SETMAR: variants seen among roughly 807,000 people sequenced by gnomAD.
The protein encoded by SETMAR is SET and mariner transposase domain methyltransferase, also known as histone-lysine N-methyltransferase SETMAR.
Under a neutral mutation model 58.4 loss-of-function variants are expected in SETMAR, and 44 were observed. The ratio of observed to expected loss-of-function variants is 0.75; its 90% CI spans 0.59 to 0.97. The LOEUF (loss-of-function observed/expected upper bound fraction) is 0.97. Among genes scored for constraint, SETMAR ranks in the 50% least tolerant of loss-of-function variants. The probability of loss-of-function intolerance (pLI) is 0.00; values close to 1 mark genes in which losing one functional copy is unlikely to be tolerated. For missense variants in SETMAR, 903 were observed against 840.2 expected (o/e 1.07, Z -0.92); for synonymous variants, 332 against 307.4 (o/e 1.08, Z -0.84).
rs978433562 is a variant in SETMAR, at chr3:4,311,982, G to T, written c.157-916G>T. On this transcript the variant is annotated intron_variant, in intron 1 of 2. Transcript: ENST00000358065. Reference sequence around the variant, plus strand: ...GGCTTCACATAGAGTTTAGATTGAGGATTGTCTTCTTTTTATATAACATTT... The same window carrying T: ...GGCTTCACATAGAGTTTAGATTGAGTATTGTCTTCTTTTTATATAACATTT... Among the ~76,000 whole-genome samples, 3 of 152,120 alleles carry T rather than the reference G, an allele frequency of 2.0e-5. No individual in the cohort carries two copies. The East Asian group carries it at 5.8e-4, about 29-fold the overall frequency.
intron 2 of SETMAR, among the ~76,000 whole-genome samples, chr3:4,314,606 T>C (rs1476497781): frequency 6.6e-6 from 1 of 152,142 alleles, no homozygotes; most frequent in Non-Finnish European, 1.5e-5. Flanking sequence ...ACTCCAAATC[T>C]TGTGAAGTTA....
intron 1 of SETMAR, among the ~76,000 whole-genome samples, chr3:4,308,251 GAAAGTTTA>G (rs1698268460): frequency 1.3e-5 from 2 of 152,198 alleles, no homozygotes; most frequent in African/African-American, 4.8e-5. Flanking sequence ...TTTGAACCTG[GAAAGTTTA>G]ACTCCAGAAC....
intron 1 of SETMAR, among the ~76,000 whole-genome samples, chr3:4,312,525 A>G (rs578149878): frequency 3.3e-5 from 5 of 152,178 alleles, no homozygotes; most frequent in South Asian, 4.2e-4. Flanking sequence ...ATCCTTATAC[A>G]TACCTAAAAT....
intron 2 of SETMAR, among the ~76,000 whole-genome samples, chr3:4,315,274 T>C (rs907891263): frequency 3.3e-5 from 5 of 152,118 alleles, no homozygotes; most frequent in Admixed American, 2.6e-4. Context: ...GCTCACAAGC[T>C]CACCTAATAA....
At chr3:4,306,243 C>T (rs567394920) in intron 1 of SETMAR, among the ~76,000 whole-genome samples, 4 of 151,922 alleles carry the variant, frequency 2.6e-5, no homozygotes, top group Non-Finnish European at 5.9e-5. Flanking sequence ...ACTATGTGCC[C>T]GACGTATTTT....
chr3:4,313,946 C>A, intron 2 of SETMAR, 185 bp downstream of exon 2: 3 of 1,040,492 alleles, frequency 2.9e-6, no homozygotes, highest in Non-Finnish European at 4.1e-6. Flanking sequence ...ACATGACTAC[C>A]CAGAATACTC....
At chr3:4,315,098 G>C (rs1355152038) in intron 2 of SETMAR, among the ~76,000 whole-genome samples, 3 of 152,100 alleles carry the variant, frequency 2.0e-5, no homozygotes, top group Admixed American at 2.0e-4. Flanking sequence ...AATGGTACTA[G>C]AGTACACATA....
intron 1 of SETMAR, chr3:4,303,824 A>G: frequency 7.3e-7 from 1 of 1,366,692 alleles, no homozygotes; most frequent in Non-Finnish European, 9.7e-7. Context: ...AGGAGGCATC[A>G]CGGGGGGAGT....
intron 1 of SETMAR, among the ~76,000 whole-genome samples, chr3:4,308,801 C>A (rs1698292250): frequency 6.6e-6 from 1 of 152,206 alleles, no homozygotes. Flanking sequence ...CATCTTTGTT[C>A]ATTGACCATT....
intron 1 of SETMAR, among the ~76,000 whole-genome samples, chr3:4,309,924 A>G (rs1040657080): frequency 6.6e-6 from 1 of 152,242 alleles, no homozygotes; most frequent in African/African-American, 2.4e-5. Flanking sequence ...GTCATTATGC[A>G]AAAGTCATAG....
rs1184109687 is a variant in SETMAR at position 4,316,199 on chromosome 3, A to T, written c.1021-13A>T. On this transcript the variant is annotated splice_polypyrimidine_tract_variant and intron_variant, in intron 2 of 2. Transcript: ENST00000358065. ...GCTAATGACATCTTACTTGCTGTTT[A>T]TGTTTATTTTAGACTATGAAAATGA... 1.5e-6 allele frequency: 1 copy of T among 676,922 alleles called. No individual in the cohort carries two copies. Among genetic ancestry groups the T allele is most frequent in the Admixed American group, 2.1e-5 (1 of 47,944 alleles). 41.9% of individuals were successfully genotyped at this position (676,922 alleles called of 1,614,324 possible). A position where few individuals can be genotyped will look rare whatever the true frequency, so the allele number is the denominator to read the frequency against.
At chr3:4,308,509 GCCT>G (rs2125084309) in intron 1 of SETMAR, among the ~76,000 whole-genome samples, 1 of 152,298 alleles carries the variant, frequency 6.6e-6, no homozygotes, top group East Asian at 1.9e-4. Context: ...TTTATAAAGT[GCCT>G]GACATGGAGT....
chr3:4,316,908 C>G lies in SETMAR; in HGVS notation c.1717C>G (p.Leu573Val), dbSNP rs372022724. 2.6e-6 allele frequency: 4 copies of G among 1,549,298 alleles called. No individual in the cohort carries two copies. In the African/African-American group the frequency reaches 5.5e-5, roughly 21 times the overall value. Residue 573 changes from leucine to valine, a missense_variant, in exon 3 of 3, where the codon CTG becomes GTG. Coordinates refer to ENST00000358065, the MANE Select transcript of SETMAR (RefSeq NM_006515.4). ...TGAGATGAACCAAAAACTGCAACGC[C>G]TGCAGCTGGCATTGGTCAACAGAAA... The part of the protein sequence containing the change: ...IDEMNQKLQR[L>V]QLALVNRKGP...
chr3:4,303,514 G>C lies in SETMAR; in HGVS notation c.144G>C (p.Pro48=), dbSNP rs966368761. Residue 48 remains proline, a synonymous_variant, in exon 1 of 3, where the codon CCG becomes CCC. Transcript: ENST00000358065. ...PVGAWPPGAA[P]APFQYTPDHV... ...GCGCGTGGCCCCCGGGGGCCGCGCC[G>C]GCGCCCTTCCAGGTAGGGGCGGGGC... 1.4e-6 allele frequency: 2 copies of C among 1,436,904 alleles called. No homozygotes were observed. The highest frequency in any genetic ancestry group is 1.8e-6 in the Non-Finnish European group (2 of 1,100,400). 89.0% of individuals were successfully genotyped at this position (1,436,904 alleles called of 1,614,324 possible).
chr3:4,313,981 G>C (rs1216454996), intron 2 of SETMAR: 5 of 833,330 alleles, frequency 6.0e-6, no homozygotes, highest in Non-Finnish European at 9.0e-6. Context: ...ATTTGTCTTA[G>C]TGACTGTTCT....
chr3:4,312,949 A>C lies in SETMAR; in HGVS notation c.208A>C (p.Ile70Leu). 1 of 1,613,928 alleles carries C rather than the reference A, an allele frequency of 6.2e-7. No homozygotes were observed. Among genetic ancestry groups the C allele is most frequent in the Non-Finnish European group, 8.5e-7 (1 of 1,179,850 alleles). Residue 70 changes from isoleucine (I) to leucine (L), a missense_variant, in exon 2 of 3, where the codon ATA (isoleucine) becomes CTA (leucine). Transcript: ENST00000358065. ...GPGADIDPTQ[I>L]TFPGCICVKT... ...TGGAGCAGACATTGATCCCACTCAA[A>C]TAACCTTTCCCGGATGCATTTGTGT...
At position 4,312,824 on chromosome 3, in the gene SETMAR, G is replaced by A. The variant is rs146351491; in HGVS notation, c.157-74G>A. On this transcript the variant is annotated intron_variant, in intron 1 of 2. Coordinates refer to ENST00000358065, the MANE Select transcript of SETMAR (RefSeq NM_006515.4). ...TATGTTAGAATTAGAATGGGTCCCAGTCAGAAGCTACTTGGAATATATAGG... is the reference window on the plus strand; with the variant it reads ...TATGTTAGAATTAGAATGGGTCCCAATCAGAAGCTACTTGGAATATATAGG... The A allele has an allele frequency of 1.8e-3, 2,664 of 1,509,906 alleles. 9 individuals are homozygous for A. The highest frequency in any genetic ancestry group is 7.5e-3 in the Middle Eastern group (42 of 5,574). The allele number at this position is 1,509,906 out of a possible 1,614,324, so 93.5% of individuals were successfully genotyped here.
chr3:4,313,995 T>TAA (rs1255688800), intron 2 of SETMAR: 13 of 706,536 alleles, frequency 1.8e-5, no homozygotes, highest in Non-Finnish European at 2.9e-5. Context: ...CTGTTCTAGT[T>TAA]AATAGGATAT....
chr3:4,311,588 A>C (rs1008272623), intron 1 of SETMAR, among the ~76,000 whole-genome samples: 1 of 152,242 alleles, frequency 6.6e-6, no homozygotes, highest in Non-Finnish European at 1.5e-5. Context: ...ACTTCTGAAC[A>C]ATGAGATTAT....
Sources: allele counts gnomAD v4.1 joint callset (sites outside exome capture counted in the v4.1 genomes callset), GRCh38; gene constraint gnomAD v4.1.1; transcripts MANE v1.5; gene names NCBI Gene and HGNC (gene_info 2026-07-23, HGNC 2026-07-21).